The following SLC35A5 variants were observed in gnomAD, a reference collection of about 807,000 sequenced individuals.
SLC35A5 encodes the protein UDP-sugar transporter protein SLC35A5.
Under a neutral mutation model 36.3 loss-of-function variants are expected in SLC35A5, and 28 were observed. That is an observed-to-expected ratio of 0.77 (90% CI 0.57 to 1.06). The LOEUF (loss-of-function observed/expected upper bound fraction) is 1.06, where lower values mean the gene tolerates loss of function less well. SLC35A5 is among the 50% of genes least tolerant of loss of function. SLC35A5 has a pLI of 0.00. For synonymous variants in SLC35A5, 180 were observed against 173.7 expected (o/e 1.04, Z -0.29); for missense variants, 521 against 499.3 (o/e 1.04, Z -0.41).
At chr3:112,582,532 C>T in intron 6 of SLC35A5, 139 bp from the exon 7 acceptor site, 1 of 579,724 alleles carries the variant, frequency 1.7e-6, no homozygotes, top group African/African-American at 1.9e-5. Context: ...TTTCCAAGAA[C>T]ATAAGTATTT....
At chr3:112,570,414 T>C in intron 3 of SLC35A5, 126 bp from the exon 4 acceptor site, 2 of 1,025,600 alleles carry the variant, frequency 2.0e-6, no homozygotes, top group Non-Finnish European at 2.8e-6. Context: ...AGAGAGACAG[T>C]AATGAAATGG....
In SLC35A5 at chr3:112,580,779, C is replaced by T. The variant is rs757154123; in HGVS notation, c.662C>T (p.Ala221Val). ...TFPEAKWNTT[A>V]RVFSHIRLGM... Reference sequence around the variant, plus strand: ...CCTGAAGCTAAATGGAACACCACAGCCAGAGTTTTCAGTCACATCCGTCTT... The same window carrying T: ...CCTGAAGCTAAATGGAACACCACAGTCAGAGTTTTCAGTCACATCCGTCTT... The change falls in exon 6 of 7, where the codon GCC (alanine) becomes GTC (valine). Residue 221 changes from alanine (A) to valine (V), a missense_variant. Physicochemically the swap from Ala to Val is moderately conservative, Grantham distance 64. Transcript: ENST00000492406. The T allele has an allele frequency of 6.2e-7, 1 of 1,614,166 alleles. No individual in the cohort carries two copies. Among genetic ancestry groups the T allele is most frequent in the Admixed American group, 1.7e-5 (1 of 60,020 alleles).
chr3:112,564,508 G>T (rs1037374793), intron 2 of SLC35A5: 1 of 152,196 alleles, frequency 6.6e-6, no homozygotes, highest in East Asian at 1.9e-4. Flanking sequence ...ATACAATCGG[G>T]TTTTACTCCG....
intron 2 of SLC35A5, chr3:112,564,457 C>G (rs187188854): frequency 1.3e-5 from 2 of 152,418 alleles, no homozygotes; most frequent in African/African-American, 4.8e-5. Flanking sequence ...TGTCCCACCT[C>G]CAGCCCTAAG....
At chr3:112,562,896 C>A (rs1220870879) in intron 1 of SLC35A5, among the ~76,000 whole-genome samples, 2 of 151,830 alleles carry the variant, frequency 1.3e-5, no homozygotes, top group African/African-American at 4.8e-5. Flanking sequence ...CCCGTCTCTA[C>A]TAAAAATACA....
chr3:112,574,572 G>T (rs1306317757), intron 5 of SLC35A5, among the ~76,000 whole-genome samples: 1 of 152,048 alleles, frequency 6.6e-6, no homozygotes, highest in African/African-American at 2.4e-5. Flanking sequence ...GTGTCCTAAG[G>T]CAGGAAGATG....
intron 6 of SLC35A5, 147 bp from the exon 7 acceptor site, chr3:112,582,524 T>C: frequency 1.8e-6 from 1 of 570,938 alleles, no homozygotes; most frequent in Non-Finnish European, 3.0e-6. Context: ...TAGTTAACTT[T>C]CCAAGAACAT....
At chr3:112,570,317 C>A in intron 3 of SLC35A5, 1 of 340,424 alleles carries the variant, frequency 2.9e-6, no homozygotes, top group Non-Finnish European at 5.3e-6. Flanking sequence ...TTAAGTAATA[C>A]TTCTGTTATC....
At chr3:112,578,399 C>T (rs1242291958) in intron 5 of SLC35A5, among the ~76,000 whole-genome samples, 1 of 152,186 alleles carries the variant, frequency 6.6e-6, no homozygotes, top group Non-Finnish European at 1.5e-5. Context: ...AAACAATTCA[C>T]TTGGGAGGAG....
At position 112,580,816 on chromosome 3, in the gene SLC35A5, T is replaced by C. The variant is rs761044682; in HGVS notation, c.699T>C (p.His233=). Residue 233 remains histidine (H), a synonymous_variant, in exon 6 of 7, where the codon CAT becomes CAC. Transcript: ENST00000492406. ...VFSHIRLGMG[H]VLIIVQCFIS... is the part of the protein sequence containing the mutation. ...GTCACATCCGTCTTGGCATGGGCCA[T>C]GTTCTTATTATAGTCCAGTGTTTTA... 4 of 1,614,226 alleles carry C rather than the reference T, an allele frequency of 2.5e-6. No homozygotes were observed. In the Admixed American group the frequency reaches 5.0e-5, roughly 20 times the overall value.
chr3:112,579,655 A>G (rs1455101627), intron 5 of SLC35A5, among the ~76,000 whole-genome samples: 1 of 152,118 alleles, frequency 6.6e-6, no homozygotes. Context: ...CTTTGAAGCA[A>G]TACCTGACTA....
intron 2 of SLC35A5, among the ~76,000 whole-genome samples, chr3:112,568,751 T>A (rs1050237293): frequency 1.3e-5 from 2 of 152,208 alleles, no homozygotes; most frequent in African/African-American, 4.8e-5. Flanking sequence ...TACCTCAATT[T>A]TAGCAAGGCA....
rs552715874 is a variant in SLC35A5 at position 112,576,916 on chromosome 3, G to A, written c.428+2960G>A. On this transcript the variant is annotated intron_variant, in intron 5 of 6. Transcript: ENST00000492406. ...CCCTTTGTGATTAAATTTTGACCTAGGAGTAGCAGCTTAATAGTTCTATCA... is the reference window on the plus strand; with the variant it reads ...CCCTTTGTGATTAAATTTTGACCTAAGAGTAGCAGCTTAATAGTTCTATCA... Among the ~76,000 whole-genome samples, 3 of 152,140 alleles carry A rather than the reference G, an allele frequency of 2.0e-5. No homozygotes were observed. In the East Asian group the frequency reaches 5.8e-4, roughly 29 times the overall value.
chr3:112,570,701 G>T, intron 4 of SLC35A5, 31 bp downstream of exon 4: 1 of 1,514,192 alleles, frequency 6.6e-7, no homozygotes, highest in Non-Finnish European at 8.8e-7. Flanking sequence ...AAATACCATT[G>T]AAAAGATACA....
At chr3:112,574,837 T>C (rs1365088064) in intron 5 of SLC35A5, among the ~76,000 whole-genome samples, 5 of 152,116 alleles carry the variant, frequency 3.3e-5, no homozygotes, top group Admixed American at 6.5e-5. Context: ...AGATTCCTGA[T>C]GTATTTTCTT....
At position 112,584,099 on chromosome 3, in the gene SLC35A5, A is replaced by G. The variant is rs561304729; in HGVS notation, c.*1363A>G. ...TATATAATTCATTTGTGATATCCAC[A>G]ATAATATGACTGGCAAGAATTGGTG... is the stretch of plus-strand genomic sequence containing the variant. On this transcript the variant is annotated 3_prime_UTR_variant, in exon 7 of 7. Coordinates refer to ENST00000492406, the MANE Select transcript of SLC35A5 (RefSeq NM_017945.5). 2.0e-4 allele frequency: 30 copies of G among 152,310 alleles called. No homozygotes were observed. Among genetic ancestry groups the G allele is most frequent in the African/African-American group, 6.7e-4 (28 of 41,564 alleles). The allele number at this position is 152,310 out of a possible 1,614,324, so 9.4% of individuals were successfully genotyped here. A position where few individuals can be genotyped will look rare whatever the true frequency, so the allele number is the denominator to read the frequency against.
chr3:112,568,301 C>G (rs1459958586), intron 2 of SLC35A5, among the ~76,000 whole-genome samples: 1 of 152,138 alleles, frequency 6.6e-6, no homozygotes, highest in Non-Finnish European at 1.5e-5. Context: ...TACATTTGGC[C>G]AATTTTGGTT....
At position 112,582,436 on chromosome 3, in the gene SLC35A5, G is replaced by A. The variant is rs190170082; in HGVS notation, c.1210-235G>A. Among the ~76,000 whole-genome samples, 293 of 152,244 alleles carry A rather than the reference G, an allele frequency of 1.9e-3. 1 individual carries two copies. Among genetic ancestry groups the A allele is most frequent in the Admixed American group, 3.3e-3 (51 of 15,262 alleles). ...TTTTTCTGCAAGACCAGCAGGTGGT[G>A]CTCCTCACTTTGCTCATGTTAGCTT... On this transcript the variant is annotated intron_variant, in intron 6 of 6. Transcript: ENST00000492406.
At chr3:112,571,989 A>G (rs2668214) in intron 4 of SLC35A5, among the ~76,000 whole-genome samples, 30,498 of 129,862 alleles carry the variant, frequency 0.23, 6,289 homozygotes, top group African/African-American at 0.56. Flanking sequence ...AGGCCGGACT[A>G]CGGACTGCAG....
Sources: gnomAD v4.1 joint callset for allele counts (sites outside exome capture counted in the v4.1 genomes callset) on GRCh38, gnomAD v4.1.1 for gene constraint, MANE v1.5 for transcripts, NCBI Gene and HGNC (gene_info 2026-07-23, HGNC 2026-07-21) for gene names.